Variants in ZC3H8 observed in about 807,000 individuals in gnomAD.
ZC3H8 encodes the protein zinc finger CCCH-type containing 8.
Under a neutral mutation model 42.5 loss-of-function variants are expected in ZC3H8, and 27 were observed. That is an observed-to-expected ratio of 0.64 (90% confidence interval 0.47 to 0.88). The LOEUF is 0.88. ZC3H8 is among the 40% of genes least tolerant of loss of function. The probability of loss-of-function intolerance (pLI) is 0.00; values close to 1 mark genes in which losing one functional copy is unlikely to be tolerated. For missense variants in ZC3H8, 277 were observed against 336.1 expected, an observed-to-expected ratio of 0.82 and a Z score of 1.37; for synonymous variants, 101 against 110.1, an observed-to-expected ratio of 0.92 and a Z score of 0.52.
intron 2 of ZC3H8, chr2:112,240,358 TTA>T (rs1685527046): frequency 6.6e-6 from 1 of 152,246 alleles, no homozygotes; most frequent in African/African-American, 2.4e-5. Flanking sequence ...CTGTGATAGA[TTA>T]TGTTTACCTT....
intron 3 of ZC3H8, among the ~76,000 whole-genome samples, chr2:112,237,246 T>C (rs1281419466): frequency 2.6e-5 from 4 of 152,112 alleles, no homozygotes; most frequent in Admixed American, 6.5e-5. Flanking sequence ...ATATAAGGTA[T>C]TGTCAAGAAA....
At chr2:112,239,508 C>A (rs1685490287) in intron 2 of ZC3H8, among the ~76,000 whole-genome samples, 1 of 144,244 alleles carries the variant, frequency 6.9e-6, no homozygotes, top group African/African-American at 2.6e-5. Context: ...AAACTCAAAA[C>A]AAACAGACAA....
rs1247556992 is a variant in ZC3H8, at chr2:112,229,971, C to T, written c.*15+932G>A. ...AAAAAAAAACAAAAAACGAAAAGAC[C>T]GTCCACAAAATGGGAGAAGGCCTGC... On this transcript the variant is annotated intron_variant, in intron 8 of 8. Coordinates refer to ENST00000409573, the MANE Select transcript of ZC3H8 (RefSeq NM_032494.3). Among the ~76,000 whole-genome samples, 3 of 150,504 alleles carry T rather than the reference C, an allele frequency of 2.0e-5. No individual in the cohort carries two copies. In the East Asian group the frequency reaches 5.8e-4, roughly 29 times the overall value.
At chr2:112,250,113 C>CTTT in intron 2 of ZC3H8, 78 bp downstream of exon 2, 10 of 1,085,748 alleles carry the variant, frequency 9.2e-6, no homozygotes, top group Admixed American at 3.0e-5. Context: ...TCTGTTTTTT[C>CTTT]TTTTTTTGTT....
At position 112,228,709 on chromosome 2, in the gene ZC3H8, G is replaced by GC. The variant is rs1684957732; in HGVS notation, c.*15+2193dup. Among the ~76,000 whole-genome samples, 3 of 152,208 alleles carry GC rather than the reference G, an allele frequency of 2.0e-5. No individual in the cohort carries two copies. In the South Asian group the frequency reaches 6.2e-4, roughly 32 times the overall value. On this transcript the variant is annotated intron_variant, in intron 8 of 8. Transcript: ENST00000409573. The stretch of plus-strand genomic sequence containing the variant: ...TAAATTCTTAGATACAACACGGAAA[G>GC]CATGATCCATAGAAGAGAAAACTGA...
At chr2:112,248,458 TG>T (rs1238092203) in intron 2 of ZC3H8, among the ~76,000 whole-genome samples, 2 of 152,184 alleles carry the variant, frequency 1.3e-5, no homozygotes, top group Non-Finnish European at 2.9e-5. Context: ...TAAGTCTCAG[TG>T]ACAATTTAAC....
intron 2 of ZC3H8, among the ~76,000 whole-genome samples, chr2:112,248,530 G>T (rs1685835495): frequency 6.6e-6 from 1 of 151,382 alleles, no homozygotes; most frequent in Non-Finnish European, 1.5e-5. Context: ...TGCTCTTGTT[G>T]CCCAGGCTGG....
chr2:112,219,046 A>G (rs990535044), intron 8 of ZC3H8, among the ~76,000 whole-genome samples: 11 of 152,246 alleles, frequency 7.2e-5, no homozygotes, highest in African/African-American at 2.7e-4. Context: ...TATGTATTCA[A>G]TGCAATCTCT....
chr2:112,219,909 A>C (rs1001904242), intron 8 of ZC3H8, among the ~76,000 whole-genome samples: 1 of 152,190 alleles, frequency 6.6e-6, no homozygotes, highest in Non-Finnish European at 1.5e-5. Context: ...AAGTCACTTC[A>C]TAGGTCTTTA....
intron 3 of ZC3H8, 125 bp from the exon 4 acceptor site, chr2:112,236,820 G>A (rs1333489370): frequency 1.1e-6 from 1 of 890,426 alleles, no homozygotes; most frequent in East Asian, 2.6e-5. Flanking sequence ...GCTGAGGCAG[G>A]AGGACTGCTC....
intron 8 of ZC3H8, among the ~76,000 whole-genome samples, chr2:112,225,839 C>T (rs1437160703): frequency 6.6e-6 from 1 of 150,586 alleles, no homozygotes; most frequent in East Asian, 2.0e-4. Flanking sequence ...CCCAGCACTT[C>T]GGGAGGCCAA....
chr2:112,218,479 A>G (rs917701183), intron 8 of ZC3H8, among the ~76,000 whole-genome samples: 1 of 152,222 alleles, frequency 6.6e-6, no homozygotes, highest in African/African-American at 2.4e-5. Context: ...CTCAACACAC[A>G]ATAATCAGGT....
chr2:112,215,980 T>A lies in ZC3H8; in HGVS notation c.*504A>T, dbSNP rs1166677365. On this transcript the variant is annotated 3_prime_UTR_variant, in exon 9 of 9. Transcript: ENST00000409573. ...AAAATCATAGAACCATAATTTATTT[T>A]AAGCCCTAAAATGAAATTGTGAACC... 1 of 152,228 alleles carries A rather than the reference T, an allele frequency of 6.6e-6. No homozygotes were observed. Among genetic ancestry groups the A allele is most frequent in the African/African-American group, 2.4e-5 (1 of 41,456 alleles). The allele number at this position is 152,228 out of a possible 1,614,324, so 9.4% of individuals were successfully genotyped here. A position where few individuals can be genotyped will look rare whatever the true frequency, so the allele number is the denominator to read the frequency against.
intron 5 of ZC3H8, 80 bp downstream of exon 5, chr2:112,234,040 T>C (rs1685211351): frequency 1.2e-6 from 1 of 815,176 alleles, no homozygotes; most frequent in Admixed American, 3.5e-5. Flanking sequence ...TTTAAAAACC[T>C]AAAGGTATGA....
chr2:112,239,214 C>G lies in ZC3H8; in HGVS notation c.157-686G>C, dbSNP rs184047284. On this transcript the variant is annotated intron_variant, in intron 2 of 8. Coordinates refer to ENST00000409573, the MANE Select transcript of ZC3H8 (RefSeq NM_032494.3). Reference sequence around the variant, plus strand: ...ATCCTAGAGGAGCCCAGGCTGATGACAGCAATGACTTAAAGCAATTTCTGC... The same window carrying G: ...ATCCTAGAGGAGCCCAGGCTGATGAGAGCAATGACTTAAAGCAATTTCTGC... 1.4e-3 allele frequency among the ~76,000 whole-genome samples: 208 copies of G among 152,334 alleles called. 1 individual carries two copies. Among genetic ancestry groups the G allele is most frequent in the South Asian group, 3.5e-3 (17 of 4,830 alleles).
intron 8 of ZC3H8, among the ~76,000 whole-genome samples, chr2:112,218,864 A>G (rs1573879426): frequency 1.3e-5 from 2 of 152,314 alleles, no homozygotes; most frequent in South Asian, 4.1e-4. Context: ...TCTGTTATTC[A>G]AGGGCCAAAT....
At chr2:112,217,753 A>C (rs1684392268) in intron 8 of ZC3H8, among the ~76,000 whole-genome samples, 1 of 152,180 alleles carries the variant, frequency 6.6e-6, no homozygotes, top group Non-Finnish European at 1.5e-5. Context: ...TAAAAGCTTG[A>C]ATTTTATCAT....
At chr2:112,231,012 GTCATAT>G in intron 7 of ZC3H8, 62 bp from the exon 8 acceptor site, 1 of 1,012,908 alleles carries the variant, frequency 9.9e-7, no homozygotes. Context: ...CAGGTATACT[GTCATAT>G]TCATAACTTT....
Position 112,215,029 on chromosome 2 carries a change from C to T in ZC3H8, c.*1455G>A, listed in dbSNP as rs1684272341. ...GATGGGTACTGCCTCAGAAATATAA[C>T]AATTATTTTTTTCCTTATATATAAA... On this transcript the variant is annotated 3_prime_UTR_variant, in exon 9 of 9. Coordinates refer to ENST00000409573, the MANE Select transcript of ZC3H8 (RefSeq NM_032494.3). The T allele has an allele frequency of 6.6e-6, 1 of 151,930 alleles. No homozygotes were observed. The highest frequency in any genetic ancestry group is 1.5e-5 in the Non-Finnish European group (1 of 67,960). The allele number at this position is 151,930 out of a possible 1,614,324, so 9.4% of individuals were successfully genotyped here.
Sources: gnomAD v4.1 joint callset for allele counts (sites outside exome capture counted in the v4.1 genomes callset) on GRCh38, gnomAD v4.1.1 for gene constraint, MANE v1.5 for transcripts, NCBI Gene and HGNC (gene_info 2026-07-23, HGNC 2026-07-21) for gene names.